SAP30BP: variants seen among roughly 807,000 people sequenced by gnomAD.
SAP30BP encodes SAP30-binding protein.
SAP30BP carries 31 observed loss-of-function variants against 46.3 expected under a neutral mutation model. That is an observed-to-expected ratio of 0.67 (90% CI 0.50 to 0.90). The LOEUF (loss-of-function observed/expected upper bound fraction) is 0.90. Among genes scored for constraint, SAP30BP ranks in the 40% least tolerant of loss-of-function variants. The pLI, the probability that SAP30BP is intolerant of heterozygous loss-of-function variation, is 0.00. For missense variants in SAP30BP, 312 were observed against 391.0 expected (o/e 0.80, Z 1.70); for synonymous variants, 169 against 144.2 (o/e 1.17, Z -1.23).
chr17:75,686,249 G>A (rs1450524705), intron 3 of SAP30BP, among the ~76,000 whole-genome samples: 3 of 152,094 alleles, frequency 2.0e-5, no homozygotes, highest in East Asian at 3.9e-4. Flanking sequence ...CGGGCGCAGT[G>A]GCTCACGCCT....
intron 3 of SAP30BP, among the ~76,000 whole-genome samples, chr17:75,674,053 T>C (rs1340644244): frequency 1.3e-5 from 2 of 152,114 alleles, no homozygotes; most frequent in African/African-American, 4.8e-5. Flanking sequence ...GGAGAAGGGT[T>C]TAGATAAAGC....
In SAP30BP at chr17:75,668,580, T is replaced by A. The variant is rs937955163; in HGVS notation, c.171T>A (p.Asp57Glu). The A allele has an allele frequency of 6.2e-7, 1 of 1,607,654 alleles. No individual in the cohort carries two copies. The highest frequency in any genetic ancestry group is 8.5e-7 in the Non-Finnish European group (1 of 1,177,540). The change falls in exon 2 of 11, where the codon GAT becomes GAA. Residue 57 changes from aspartate to glutamate, a missense_variant. By Grantham distance (45) the Asp-to-Glu change is conservative (BLOSUM62 2). Around this residue, in one of 2 missense-constraint regions of SAP30BP, gnomAD observed 296 missense variants for 346.6 expected, o/e 0.85. Transcript: ENST00000584667. ...ATGACTTTTCTCGTCTAGGGGGTGA[T>A]GAAGATGGTTATGAAGAAGAAGAAG... ...GEDDFSRLGG[D>E]EDGYEEEEDE...
chr17:75,672,300 C>T (rs979690910), intron 3 of SAP30BP: 2 of 176,298 alleles, frequency 1.1e-5, no homozygotes, highest in African/African-American at 4.7e-5. Flanking sequence ...AAAATGAGGC[C>T]TCTCCCCAGC....
intron 3 of SAP30BP, among the ~76,000 whole-genome samples, chr17:75,682,932 T>C (rs1428049921): frequency 1.5e-5 from 2 of 135,920 alleles, no homozygotes; most frequent in African/African-American, 2.8e-5. Flanking sequence ...CACTGCACTC[T>C]AGCCTGGTGA....
intron 5 of SAP30BP, among the ~76,000 whole-genome samples, chr17:75,700,560 C>T (rs2060392865): frequency 6.6e-6 from 1 of 152,176 alleles, no homozygotes; most frequent in Non-Finnish European, 1.5e-5. Context: ...GTGCCTCTGG[C>T]TACACAGCAA....
chr17:75,683,207 C>A (rs1028684098), intron 3 of SAP30BP, among the ~76,000 whole-genome samples: 1 of 150,846 alleles, frequency 6.6e-6, no homozygotes, highest in African/African-American at 2.4e-5. Flanking sequence ...CCACGCCTGG[C>A]CAATTTTTGT....
At chr17:75,691,497 T>C (rs911065581) in intron 3 of SAP30BP, 9 of 456,574 alleles carry the variant, frequency 2.0e-5, no homozygotes, top group African/African-American at 1.6e-4. Flanking sequence ...GGGAGGCTCC[T>C]GGCCTCTTAC....
intron 3 of SAP30BP, chr17:75,684,592 C>T (rs186946938): frequency 1.3e-5 from 2 of 152,336 alleles, no homozygotes. Context: ...GCATTCGGCA[C>T]TTCCCTGCGC....
intron 9 of SAP30BP, 68 bp from the exon 10 acceptor site, chr17:75,705,940 G>A (rs2060489981): frequency 1.3e-6 from 2 of 1,599,356 alleles, no homozygotes; most frequent in African/African-American, 2.7e-5. Flanking sequence ...CCCAGGAGCT[G>A]ACGGATGGCA....
intron 8 of SAP30BP, 116 bp from the exon 9 acceptor site, chr17:75,704,640 C>CA (rs1568325080): frequency 3.8e-6 from 3 of 799,888 alleles, no homozygotes; most frequent in Non-Finnish European, 6.6e-6. Context: ...GCACAAAGAA[C>CA]ACTGAGCCCA....
chr17:75,669,904 G>C (rs2059883944), intron 2 of SAP30BP, among the ~76,000 whole-genome samples: 1 of 152,216 alleles, frequency 6.6e-6, no homozygotes, highest in African/African-American at 2.4e-5. Flanking sequence ...TTGGTGCTTA[G>C]CATAAGACAG....
chr17:75,700,487 A>C (rs911916143), intron 5 of SAP30BP, among the ~76,000 whole-genome samples: 12 of 152,160 alleles, frequency 7.9e-5, no homozygotes, highest in Admixed American at 7.9e-4. Context: ...ACAGGCACCC[A>C]AGGCTGCACA....
At chr17:75,675,091 A>G (rs2059970660) in intron 3 of SAP30BP, among the ~76,000 whole-genome samples, 1 of 152,162 alleles carries the variant, frequency 6.6e-6, no homozygotes, top group Non-Finnish European at 1.5e-5. Context: ...GATTACTGTC[A>G]TAATTGTCAT....
intron 1 of SAP30BP, 50 bp from the exon 2 acceptor site, chr17:75,668,464 TTG>T: frequency 4.2e-6 from 5 of 1,193,000 alleles, no homozygotes; most frequent in Non-Finnish European, 3.6e-6. Flanking sequence ...ATTGTAACTC[TTG>T]TTTTTTTTTT....
chr17:75,671,989 G>T, intron 3 of SAP30BP, 126 bp downstream of exon 3: 2 of 808,004 alleles, frequency 2.5e-6, no homozygotes, highest in Non-Finnish European at 4.4e-6. Flanking sequence ...GACATTTTCT[G>T]GGATAAAATA....
At chr17:75,668,147 G>A (rs2059832798) in intron 1 of SAP30BP, 2 of 190,580 alleles carry the variant, frequency 1.0e-5, no homozygotes, top group Admixed American at 1.2e-4. Context: ...TCCTCATCTG[G>A]AAAGTGAAGG....
intron 3 of SAP30BP, among the ~76,000 whole-genome samples, chr17:75,679,093 A>ACGCCATT (rs959675671): frequency 1.5e-4 from 23 of 148,672 alleles, no homozygotes; most frequent in African/African-American, 5.7e-4. Flanking sequence ...TCCCAGGTTC[A>ACGCCATT]CGCCATTCTC....
chr17:75,680,366 G>C (rs2060058205), intron 3 of SAP30BP, among the ~76,000 whole-genome samples: 2 of 152,194 alleles, frequency 1.3e-5, no homozygotes, highest in South Asian at 4.1e-4. Context: ...CCCTAAAGTA[G>C]TACTAAAATG....
At position 75,706,091 on chromosome 17, in the gene SAP30BP, A is replaced by G. The variant is rs2060493068; in HGVS notation, c.744A>G (p.Ala248=). ...TTTTTASTAV[A]DAQKRKSKWD... ...CTACCACTGCCAGCACAGCTGTTGC[A>G]GGTAGATTGCAGAGCTGCCCTGCCT... Residue 248 remains alanine (A), a splice_region_variant and synonymous_variant, in exon 10 of 11, where the codon GCA becomes GCG. Coordinates refer to ENST00000584667, the MANE Select transcript of SAP30BP (RefSeq NM_013260.8). This position sits in a 1 kb window ranked among gnomAD's most constrained non-coding sequence, Gnocchi z 4.6. The G allele has an allele frequency of 6.2e-7, 1 of 1,611,310 alleles. No homozygotes were observed. Among genetic ancestry groups the G allele is most frequent in the African/African-American group, 1.3e-5 (1 of 74,910 alleles).
Sources: gnomAD v4.1 joint callset for allele counts (sites outside exome capture counted in the v4.1 genomes callset) on GRCh38, gnomAD v4.1.1 for gene constraint, gnomAD v4.1.1 regional missense constraint, Gnocchi (gnomAD v3.1) non-coding constraint, MANE v1.5 for transcripts, NCBI Gene and HGNC (gene_info 2026-07-23, HGNC 2026-07-21) for gene names.